The following DLGAP1 variants were observed in gnomAD, a reference collection of about 807,000 sequenced individuals.
DLGAP1 encodes DLG associated protein 1, also known as disks large-associated protein 1.
DLGAP1 carries 11 observed loss-of-function variants against 90.8 expected under a neutral mutation model. The observed-to-expected ratio is 0.12, with a 90% CI of 0.08 to 0.20. The LOEUF is 0.20. DLGAP1 is among the 10% of genes least tolerant of loss of function. The probability of loss-of-function intolerance (pLI) is 1.00; values close to 1 mark genes in which losing one functional copy is unlikely to be tolerated. For missense variants in DLGAP1, 1,050 were observed against 1,333.8 expected (o/e 0.79, Z 3.31); for synonymous variants, 558 against 540.7 (o/e 1.03, Z -0.44).
chr18:3,602,392 G>T (rs1017312523), intron 7 of DLGAP1, among the ~76,000 whole-genome samples: 1 of 151,978 alleles, frequency 6.6e-6, no homozygotes, highest in Non-Finnish European at 1.5e-5. Flanking sequence ...TCAGGAGATC[G>T]AGACCATCCT....
chr18:3,755,009 C>A (rs148362592), intron 5 of DLGAP1, among the ~76,000 whole-genome samples: 1 of 151,944 alleles, frequency 6.6e-6, no homozygotes, highest in African/African-American at 2.4e-5. Flanking sequence ...AATGTAAAGA[C>A]GCAGTATTAA....
intron 2 of DLGAP1, among the ~76,000 whole-genome samples, chr18:4,124,434 T>A (rs1239013673): frequency 6.6e-6 from 1 of 152,212 alleles, no homozygotes; most frequent in Non-Finnish European, 1.5e-5. Context: ...TTGGAGTAGA[T>A]GAAGAAAGAA....
intron 5 of DLGAP1, among the ~76,000 whole-genome samples, chr18:3,769,455 C>T (rs1334809401): frequency 6.6e-6 from 1 of 152,148 alleles, no homozygotes; most frequent in African/African-American, 2.4e-5. Flanking sequence ...GGAATGGTTA[C>T]AGCAGCTTTG....
At chr18:4,410,685 A>AAT (rs33973172) in intron 1 of DLGAP1, among the ~76,000 whole-genome samples, 1,982 of 149,902 alleles carry the variant, frequency 0.013, 51 homozygotes, top group African/African-American at 0.044. Flanking sequence ...ATTCCCCCCA[A>AAT]ATATATATAT....
At chr18:3,869,627 G>A (rs183746118) in intron 4 of DLGAP1, among the ~76,000 whole-genome samples, 16 of 152,294 alleles carry the variant, frequency 1.1e-4, no homozygotes, top group Admixed American at 5.2e-4. Flanking sequence ...GCGTTTAGTC[G>A]GCACACAAGA....
chr18:4,276,261 T>C (rs1407385700), intron 1 of DLGAP1, among the ~76,000 whole-genome samples: 1 of 151,916 alleles, frequency 6.6e-6, no homozygotes, highest in Non-Finnish European at 1.5e-5. Flanking sequence ...ACTTTGACTT[T>C]GGCTATAGTG....
chr18:4,265,195 G>C (rs746970001), intron 1 of DLGAP1, among the ~76,000 whole-genome samples: 1 of 140,108 alleles, frequency 7.1e-6, no homozygotes, highest in African/African-American at 2.8e-5. Context: ...TTTTGACGGA[G>C]TCTCCCTCTG....
intron 1 of DLGAP1, among the ~76,000 whole-genome samples, chr18:4,170,563 C>T (rs2077005843): frequency 6.6e-6 from 1 of 152,018 alleles, no homozygotes; most frequent in South Asian, 2.1e-4. Flanking sequence ...TGAGGATAAA[C>T]TGGATATGAG....
rs2052215734 is a variant in DLGAP1, at chr18:3,534,535, G to T, written c.2138C>A (p.Ser713Tyr). 2 of 1,613,958 alleles carry T rather than the reference G, an allele frequency of 1.2e-6. No homozygotes were observed. Among genetic ancestry groups the T allele is most frequent in the South Asian group, 1.1e-5 (1 of 91,074 alleles). Residue 713 changes from serine to tyrosine, a missense_variant, in exon 10 of 13, where the codon TCT becomes TAT. Around this residue, in one of 2 missense-constraint regions of DLGAP1, gnomAD observed 565 missense variants for 879.7 expected, o/e 0.64. Transcript: ENST00000315677. ...CGAATTGTCCTCTATAGATTCCAGA[G>T]AATTTTCCAGATTATCATGGAAGTC... ...DLDFHDNLEN[S>Y]LESIEDNSCP...
At chr18:4,020,981 T>C (rs1248512341) in intron 2 of DLGAP1, among the ~76,000 whole-genome samples, 1 of 151,880 alleles carries the variant, frequency 6.6e-6, no homozygotes, top group Non-Finnish European at 1.5e-5. Context: ...AGCTCGGCAA[T>C]CCCACCCATG....
chr18:3,675,845 C>CT (rs1280687203), intron 7 of DLGAP1, among the ~76,000 whole-genome samples: 5 of 152,034 alleles, frequency 3.3e-5, no homozygotes, highest in African/African-American at 9.7e-5. Context: ...TGCCACATGA[C>CT]TTTTTTTTGT....
At chr18:3,613,698 C>T (rs984262227) in intron 7 of DLGAP1, among the ~76,000 whole-genome samples, 4 of 152,172 alleles carry the variant, frequency 2.6e-5, no homozygotes, top group Admixed American at 6.6e-5. Flanking sequence ...GAACAATTAA[C>T]GCCCAGATGA....
intron 2 of DLGAP1, among the ~76,000 whole-genome samples, chr18:4,052,498 C>A (rs915431737): frequency 6.6e-6 from 1 of 152,118 alleles, no homozygotes; most frequent in African/African-American, 2.4e-5. Flanking sequence ...AGTCCCGAGG[C>A]TGGGCACAGC....
chr18:3,581,645 A>G (rs1399998442), intron 8 of DLGAP1, among the ~76,000 whole-genome samples: 5 of 144,698 alleles, frequency 3.5e-5, no homozygotes, highest in Admixed American at 1.5e-4. Context: ...TATTTCAAAT[A>G]AAAAAATCTT....
At chr18:4,043,461 T>A (rs549651670) in intron 2 of DLGAP1, among the ~76,000 whole-genome samples, 1 of 152,336 alleles carries the variant, frequency 6.6e-6, no homozygotes, top group Admixed American at 6.5e-5. Flanking sequence ...CCATATGTTA[T>A]ATTTAGCTCA....
intron 1 of DLGAP1, among the ~76,000 whole-genome samples, chr18:4,310,494 C>T (rs1404790191): frequency 6.6e-6 from 1 of 152,188 alleles, no homozygotes; most frequent in East Asian, 1.9e-4. Context: ...TCATCCACTG[C>T]TTTCCTGATT....
chr18:3,992,187 T>C (rs1317458137), intron 3 of DLGAP1, among the ~76,000 whole-genome samples: 1 of 152,218 alleles, frequency 6.6e-6, no homozygotes, highest in Non-Finnish European at 1.5e-5. Context: ...TCCCCTATTT[T>C]AATGATTTAA....
intron 2 of DLGAP1, among the ~76,000 whole-genome samples, chr18:4,065,927 G>A (rs1197475247): frequency 1.3e-5 from 2 of 150,942 alleles, no homozygotes; most frequent in Non-Finnish European, 2.9e-5. Flanking sequence ...ATACTACAAA[G>A]CTACAGTAAT....
At chr18:4,037,115 T>C (rs2074900954) in intron 2 of DLGAP1, among the ~76,000 whole-genome samples, 1 of 152,160 alleles carries the variant, frequency 6.6e-6, no homozygotes, top group Non-Finnish European at 1.5e-5. Flanking sequence ...AAGGCAAAGT[T>C]GTACTTCAGA....
Sources: gnomAD v4.1 joint callset for allele counts (sites outside exome capture counted in the v4.1 genomes callset) on GRCh38, gnomAD v4.1.1 for gene constraint, gnomAD v4.1.1 regional missense constraint, MANE v1.5 for transcripts, NCBI Gene and HGNC (gene_info 2026-07-23, HGNC 2026-07-21) for gene names.